Variants in SLC44A1 observed in about 807,000 individuals in gnomAD.
SLC44A1 encodes the protein choline transporter-like protein 1.
A neutral mutation model predicts 79.3 loss-of-function variants in SLC44A1; 26 were observed. That is an observed-to-expected ratio of 0.33 (90% CI 0.24 to 0.46). The LOEUF is 0.46. Ranked by LOEUF, SLC44A1 falls within the 20% of genes least tolerant of loss-of-function variation. SLC44A1 has a pLI of 1.00. For missense variants in SLC44A1, 688 were observed against 798.1 expected (o/e 0.86, Z 1.66); for synonymous variants, 263 against 286.2 (o/e 0.92, Z 0.82).
chr9:105,275,966 G>A (rs1012408045), intron 1 of SLC44A1, among the ~76,000 whole-genome samples: 1 of 151,988 alleles, frequency 6.6e-6, no homozygotes, highest in Non-Finnish European at 1.5e-5. Flanking sequence ...CACCATGCCC[G>A]GCTTATTTTT....
intron 15 of SLC44A1, among the ~76,000 whole-genome samples, chr9:105,417,925 G>A (rs1264400350): frequency 2.0e-5 from 3 of 150,952 alleles, no homozygotes; most frequent in African/African-American, 7.4e-5. Flanking sequence ...ACTGAGGCAG[G>A]AGTTTTGCTT....
intron 15 of SLC44A1, among the ~76,000 whole-genome samples, chr9:105,415,280 G>A (rs115204880): frequency 5.9e-5 from 9 of 152,144 alleles, no homozygotes; most frequent in African/African-American, 2.2e-4. Flanking sequence ...TCACAATAGG[G>A]GGTGCAAGGA....
chr9:105,359,979 A>T (rs1259361143), intron 7 of SLC44A1, among the ~76,000 whole-genome samples: 1 of 152,158 alleles, frequency 6.6e-6, no homozygotes, highest in African/African-American at 2.4e-5. Flanking sequence ...GACATTTATC[A>T]TATCAGCCAC....
At chr9:105,369,869 C>T (rs942394694) in intron 12 of SLC44A1, among the ~76,000 whole-genome samples, 3 of 152,188 alleles carry the variant, frequency 2.0e-5, no homozygotes, top group African/African-American at 7.2e-5. Context: ...TTCACATGAT[C>T]AGTACTTTTT....
Position 105,359,175 on chromosome 9 carries a change from T to C in SLC44A1, c.760+742T>C, listed in dbSNP as rs1280681386. On this transcript the variant is annotated intron_variant, in intron 7 of 15. Transcript: ENST00000374720. ...AATTATATTTACATTTACGTTTTCCTGGACTAGTTTTAGTAGGAACTACTG... is the reference window on the plus strand; with the variant it reads ...AATTATATTTACATTTACGTTTTCCCGGACTAGTTTTAGTAGGAACTACTG... Among the ~76,000 whole-genome samples, 3 of 152,190 alleles carry C rather than the reference T, an allele frequency of 2.0e-5. No individual in the cohort carries two copies. In the East Asian group the frequency reaches 5.8e-4, roughly 29 times the overall value.
chr9:105,305,842 CCTTTTTT>C (rs1306507755), intron 2 of SLC44A1, among the ~76,000 whole-genome samples: 1 of 134,382 alleles, frequency 7.4e-6, no homozygotes, highest in East Asian at 2.1e-4. Context: ...AAAAGTGTGT[CCTTTTTT>C]TTTTTTTTTT....
chr9:105,381,917 T>C (rs747706599), intron 13 of SLC44A1, among the ~76,000 whole-genome samples: 10 of 152,242 alleles, frequency 6.6e-5, no homozygotes, highest in African/African-American at 9.6e-5. Flanking sequence ...TGCCTATTAT[T>C]CTTAATGCTA....
intron 15 of SLC44A1, among the ~76,000 whole-genome samples, chr9:105,387,198 A>G (rs949372721): frequency 2.0e-5 from 3 of 151,308 alleles, no homozygotes; most frequent in African/African-American, 7.3e-5. Context: ...CCTCAATAAA[A>G]TATTTAGATA....
At chr9:105,321,534 A>G (rs1826393156) in intron 3 of SLC44A1, among the ~76,000 whole-genome samples, 1 of 152,184 alleles carries the variant, frequency 6.6e-6, no homozygotes, top group Non-Finnish European at 1.5e-5. Context: ...AATCATAATA[A>G]AAGAGATAAC....
intron 1 of SLC44A1, among the ~76,000 whole-genome samples, chr9:105,245,645 C>T (rs1366162330): frequency 6.6e-6 from 1 of 152,232 alleles, no homozygotes; most frequent in Non-Finnish European, 1.5e-5. Context: ...GCTACGGAAA[C>T]TCCCTCTTTG....
chr9:105,434,872 C>T (rs1341448159), intron 15 of SLC44A1, among the ~76,000 whole-genome samples: 12 of 152,200 alleles, frequency 7.9e-5, no homozygotes, highest in Admixed American at 5.9e-4. Context: ...GATCCAGGCA[C>T]AATGGCTCAT....
chr9:105,433,326 TC>T (rs1343981905), intron 15 of SLC44A1, among the ~76,000 whole-genome samples: 1 of 151,386 alleles, frequency 6.6e-6, no homozygotes, highest in Non-Finnish European at 1.5e-5. Context: ...CAAAAAACTT[TC>T]GCAAATCAGT....
chr9:105,322,515 G>A (rs1396115040), intron 3 of SLC44A1, among the ~76,000 whole-genome samples: 2 of 152,184 alleles, frequency 1.3e-5, no homozygotes, highest in African/African-American at 4.8e-5. Context: ...ATCTATGGTT[G>A]TCATTATCTA....
intron 1 of SLC44A1, among the ~76,000 whole-genome samples, chr9:105,248,833 A>G (rs964632265): frequency 6.6e-6 from 1 of 152,366 alleles, no homozygotes; most frequent in South Asian, 2.1e-4. Flanking sequence ...CTTCAGATTT[A>G]TTAAATGCTC....
At chr9:105,381,932 A>G (rs930697385) in intron 13 of SLC44A1, among the ~76,000 whole-genome samples, 3 of 152,242 alleles carry the variant, frequency 2.0e-5, no homozygotes, top group Admixed American at 6.5e-5. Flanking sequence ...ATGCTAGACA[A>G]GAAGAGGCTG....
Position 105,366,328 on chromosome 9 carries a change from C to T in SLC44A1, c.1411-18C>T. 3.6e-6 allele frequency: 5 copies of T among 1,379,128 alleles called. No individual in the cohort carries two copies. Among genetic ancestry groups the T allele is most frequent in the Non-Finnish European group, 2.9e-6 (3 of 1,034,506 alleles). 85.4% of individuals were successfully genotyped at this position (1,379,128 alleles called of 1,614,324 possible). A position where few individuals can be genotyped will look rare whatever the true frequency, so the allele number is the denominator to read the frequency against. On this transcript the variant is annotated intron_variant, in intron 11 of 15. Coordinates refer to ENST00000374720, the MANE Select transcript of SLC44A1 (RefSeq NM_080546.5). The stretch of plus-strand genomic sequence containing the variant: ...GATTCTTTGGTTTTTTTATTATTTC[C>T]ATTTTTCCCCCATCCAGGAAAATGC...
intron 1 of SLC44A1, among the ~76,000 whole-genome samples, chr9:105,274,115 T>C (rs1021228510): frequency 3.3e-5 from 5 of 152,228 alleles, no homozygotes; most frequent in Admixed American, 3.3e-4. Context: ...TATATCCATC[T>C]GTGAGGTTTT....
chr9:105,281,002 C>T (rs574851154), intron 1 of SLC44A1, among the ~76,000 whole-genome samples: 7 of 152,310 alleles, frequency 4.6e-5, no homozygotes, highest in African/African-American at 1.7e-4. Flanking sequence ...CCCAGCCCAC[C>T]GAGGTGAACC....
At chr9:105,324,911 A>G (rs1189172583) in intron 3 of SLC44A1, among the ~76,000 whole-genome samples, 1 of 152,244 alleles carries the variant, frequency 6.6e-6, no homozygotes, top group Non-Finnish European at 1.5e-5. Context: ...GGGAATGTAA[A>G]ATATGATAGC....
Sources: allele counts gnomAD v4.1 joint callset (sites outside exome capture counted in the v4.1 genomes callset), GRCh38; gene constraint gnomAD v4.1.1; transcripts MANE v1.5; gene names NCBI Gene and HGNC (gene_info 2026-07-23, HGNC 2026-07-21).